WNT3A: variants seen among roughly 807,000 people sequenced by gnomAD.
WNT3A encodes the protein protein Wnt-3a.
Under a neutral mutation model 37.0 loss-of-function variants are expected in WNT3A, and 17 were observed. That is an observed-to-expected ratio of 0.46 (90% CI 0.31 to 0.69). The LOEUF (loss-of-function observed/expected upper bound fraction) is 0.69. WNT3A is among the 30% of genes least tolerant of loss of function. WNT3A has a pLI of 0.05. For synonymous variants in WNT3A, 187 were observed against 211.0 expected (o/e 0.89, Z 0.99); for missense variants, 411 against 510.2 (o/e 0.81, Z 1.87).
At chr1:228,022,592 G>A in intron 1 of WNT3A, 75 bp from the exon 2 acceptor site, 1 of 1,523,596 alleles carries the variant, frequency 6.6e-7, no homozygotes, top group African/African-American at 1.4e-5. Context: ...AGGCCCCAGA[G>A]CAAAGGGTCT....
chr1:228,014,121 C>T (rs977564580), intron 1 of WNT3A, among the ~76,000 whole-genome samples: 1 of 152,176 alleles, frequency 6.6e-6, no homozygotes, highest in African/African-American at 2.4e-5. Context: ...TGCACTGGGT[C>T]CCTCTCAGGC....
Position 228,059,657 on chromosome 1 carries a change from T to C in WNT3A, c.*192T>C. On this transcript the variant is annotated 3_prime_UTR_variant, in exon 4 of 4. Transcript: ENST00000284523. Reference sequence around the variant, plus strand: ...AGGGCTCCTCCCTGGAGCTAGTGTCTCCTCTCTGGTGGCTGGGCTGCTCCT... The same window carrying C: ...AGGGCTCCTCCCTGGAGCTAGTGTCCCCTCTCTGGTGGCTGGGCTGCTCCT... The C allele has an allele frequency of 2.2e-6, 3 of 1,364,596 alleles. No homozygotes were observed. The highest frequency in any genetic ancestry group is 2.8e-6 in the Non-Finnish European group (3 of 1,066,782). The allele number at this position is 1,364,596 out of a possible 1,614,324, so 84.5% of individuals were successfully genotyped here.
intron 2 of WNT3A, among the ~76,000 whole-genome samples, chr1:228,029,755 C>T (rs1458429457): frequency 6.7e-6 from 1 of 149,616 alleles, no homozygotes; most frequent in Non-Finnish European, 1.5e-5. Context: ...CCCCCCAATT[C>T]CTACATTGAA....
chr1:228,022,931 G>A (rs1417884139), intron 2 of WNT3A, 23 bp downstream of exon 2: 2 of 1,584,242 alleles, frequency 1.3e-6, no homozygotes, highest in Admixed American at 1.7e-5. Context: ...TCTGGGGGAG[G>A]GCAGATGAGT....
chr1:228,054,086 G>C (rs189318527), intron 3 of WNT3A, among the ~76,000 whole-genome samples: 2 of 152,118 alleles, frequency 1.3e-5, no homozygotes, highest in Admixed American at 6.5e-5. Flanking sequence ...GCCCACCAAG[G>C]GTGCCATCTC....
intron 1 of WNT3A, among the ~76,000 whole-genome samples, chr1:228,014,075 C>T (rs1006463754): frequency 2.0e-5 from 3 of 152,148 alleles, no homozygotes; most frequent in African/African-American, 4.8e-5. Flanking sequence ...CAAATTGCAT[C>T]CTGGAGGGGT....
rs2030214710 is a variant in WNT3A, at chr1:228,007,071, C to G, written c.-58C>G. On this transcript the variant is annotated 5_prime_UTR_variant, in exon 1 of 4. Coordinates refer to ENST00000284523, the MANE Select transcript of WNT3A (RefSeq NM_033131.4). The surrounding 1 kb of genome is among the most constrained non-coding windows in gnomAD (Gnocchi z 6.0). ...GCGCCAGCTCCCAGGGCCCGGCCCC[C>G]CCCGGCGCTCACGCTCTCGGGGCGG... 4.3e-6 allele frequency: 6 copies of G among 1,393,186 alleles called. No homozygotes were observed. Among genetic ancestry groups the G allele is most frequent in the Non-Finnish European group, 4.8e-6 (5 of 1,047,380 alleles). 86.3% of individuals were successfully genotyped at this position (1,393,186 alleles called of 1,614,324 possible).
intron 3 of WNT3A, among the ~76,000 whole-genome samples, chr1:228,055,207 T>G (rs1275533968): frequency 1.0e-5 from 1 of 98,262 alleles, no homozygotes; most frequent in Non-Finnish European, 2.0e-5. Context: ...TATATATATA[T>G]ATATATATAT....
chr1:228,034,246 A>T (rs2031084351), intron 2 of WNT3A, among the ~76,000 whole-genome samples: 1 of 152,174 alleles, frequency 6.6e-6, no homozygotes, highest in African/African-American at 2.4e-5. Context: ...TGGGCAACAG[A>T]GTGAGACTCT....
Position 228,037,841 on chromosome 1 carries a change from C to T in WNT3A, c.314-12815C>T, listed in dbSNP as rs1279262565. Among the ~76,000 whole-genome samples the T allele has an allele frequency of 1.3e-5, 2 of 152,220 alleles. No homozygotes were observed. Among genetic ancestry groups the T allele is most frequent in the Non-Finnish European group, 2.9e-5 (2 of 68,032 alleles). ...AGTGCAAATGCGCGGGCGGTTCACA[C>T]GCCCTTCGCGGTGCTGAATTAAAGC... On this transcript the variant is annotated intron_variant, in intron 2 of 3. Coordinates refer to ENST00000284523, the MANE Select transcript of WNT3A (RefSeq NM_033131.4). The surrounding 1 kb of genome is among the most constrained non-coding windows in gnomAD (Gnocchi z 4.1).
At chr1:228,019,287 G>T (rs1194918816) in intron 1 of WNT3A, among the ~76,000 whole-genome samples, 1 of 152,206 alleles carries the variant, frequency 6.6e-6, no homozygotes, top group African/African-American at 2.4e-5. Flanking sequence ...TGTTCTGGGG[G>T]TGGGCAGAGT....
chr1:228,047,586 G>C (rs148649995), intron 2 of WNT3A, among the ~76,000 whole-genome samples: 2 of 152,198 alleles, frequency 1.3e-5, no homozygotes, highest in African/African-American at 2.4e-5. Flanking sequence ...CCACATGCCT[G>C]TGTCCCTGAG....
In WNT3A at chr1:228,050,335, T is replaced by G. The variant is rs2031516085; in HGVS notation, c.314-321T>G. Among the ~76,000 whole-genome samples, 1 of 152,228 alleles carries G rather than the reference T, an allele frequency of 6.6e-6. No individual in the cohort carries two copies. Among genetic ancestry groups the G allele is most frequent in the Non-Finnish European group, 1.5e-5 (1 of 68,040 alleles). On this transcript the variant is annotated intron_variant, in intron 2 of 3. Transcript: ENST00000284523. This position sits in a 1 kb window ranked among gnomAD's most constrained non-coding sequence, Gnocchi z 5.0. The stretch of plus-strand genomic sequence containing the variant: ...GCCACTGTACTTAGCCAAAGTTGCT[T>G]GTTAAAAAGAGCCTGGTACCAACCT...
chr1:228,031,858 G>A lies in WNT3A; in HGVS notation c.313+8950G>A, dbSNP rs552804538. ...CCAAGAGCACCAGACTGGGCCCTGT[G>A]CCATGTGCTTGCTGGCTCCAGAGCC... On this transcript the variant is annotated intron_variant, in intron 2 of 3. Transcript: ENST00000284523. The surrounding 1 kb of genome is among the most constrained non-coding windows in gnomAD (Gnocchi z 4.8). Among the ~76,000 whole-genome samples the A allele has an allele frequency of 6.6e-6, 1 of 152,272 alleles. No homozygotes were observed. The highest frequency in any genetic ancestry group is 2.1e-4 in the South Asian group (1 of 4,830).
At chr1:228,047,336 A>G (rs976910024) in intron 2 of WNT3A, among the ~76,000 whole-genome samples, 1 of 152,184 alleles carries the variant, frequency 6.6e-6, no homozygotes, top group African/African-American at 2.4e-5. Context: ...GGCTTTGTCA[A>G]CAGCCAGGGG....
chr1:228,020,947 A>G (rs1272611696), intron 1 of WNT3A, among the ~76,000 whole-genome samples: 1 of 152,180 alleles, frequency 6.6e-6, no homozygotes, highest in Non-Finnish European at 1.5e-5. Context: ...CAGTGGACAC[A>G]TCGACAGGTG....
At chr1:228,052,332 T>C (rs561726985) in intron 3 of WNT3A, among the ~76,000 whole-genome samples, 1 of 152,062 alleles carries the variant, frequency 6.6e-6, no homozygotes, top group Admixed American at 6.5e-5. Context: ...TTAGTGGAGA[T>C]AGGGTTTCAC....
intron 2 of WNT3A, among the ~76,000 whole-genome samples, chr1:228,035,515 G>C (rs542686568): frequency 6.6e-6 from 1 of 152,334 alleles, no homozygotes; most frequent in Non-Finnish European, 1.5e-5. Context: ...GGCAGGTGCA[G>C]CCCGGGAGGA....
intron 3 of WNT3A, among the ~76,000 whole-genome samples, chr1:228,054,849 T>C (rs1026455162): frequency 6.7e-6 from 1 of 150,096 alleles, no homozygotes; most frequent in Non-Finnish European, 1.5e-5. Context: ...ATCAGGAAAC[T>C]AGAAACTATA....
Sources: allele counts gnomAD v4.1 joint callset (sites outside exome capture counted in the v4.1 genomes callset), GRCh38; gene constraint gnomAD v4.1.1; non-coding constraint Gnocchi (gnomAD v3.1); transcripts MANE v1.5; gene names NCBI Gene and HGNC (gene_info 2026-07-23, HGNC 2026-07-21).